CNTN5: variants seen among roughly 807,000 people sequenced by gnomAD.
The protein encoded by CNTN5 is contactin-5.
CNTN5 carries 77 observed loss-of-function variants against 129.1 expected under a neutral mutation model. The ratio of observed to expected loss-of-function variants is 0.60; its 90% CI spans 0.50 to 0.72. The LOEUF (loss-of-function observed/expected upper bound fraction) is 0.72, where lower values mean the gene tolerates loss of function less well. Ranked by LOEUF, CNTN5 falls within the 30% of genes least tolerant of loss-of-function variation. The pLI is 0.00. For missense variants in CNTN5, 1,478 were observed against 1,328.8 expected (o/e 1.11, Z -1.75); for synonymous variants, 509 against 465.6 (o/e 1.09, Z -1.20).
intron 15 of CNTN5, among the ~76,000 whole-genome samples, chr11:100,213,601 T>C (rs976390480): frequency 5.9e-5 from 9 of 152,326 alleles, no homozygotes; most frequent in Admixed American, 5.9e-4. Flanking sequence ...AAATGTCAGT[T>C]AAATTTGACT....
chr11:100,333,482 G>T (rs1367287198), intron 21 of CNTN5, among the ~76,000 whole-genome samples: 2 of 131,636 alleles, frequency 1.5e-5, no homozygotes, highest in Admixed American at 1.6e-4. Flanking sequence ...GCCAAAGCAA[G>T]ACTAAGCAAC....
intron 1 of CNTN5, among the ~76,000 whole-genome samples, chr11:99,080,980 G>GTTTTT (rs766619743): frequency 0.065 from 7,270 of 112,068 alleles, 573 homozygotes; most frequent in East Asian, 0.33. Context: ...TGAGAAATCA[G>GTTTTT]TTTTTTTTTT....
At chr11:99,159,343 C>G (rs12365235) in intron 1 of CNTN5, among the ~76,000 whole-genome samples, 39,069 of 152,118 alleles carry the variant, frequency 0.26, 5,445 homozygotes, top group Middle Eastern at 0.32. Context: ...TAGTAATCTG[C>G]CGGGTGCAGT....
At chr11:99,925,297 G>T (rs1748607941) in intron 7 of CNTN5, among the ~76,000 whole-genome samples, 1 of 152,140 alleles carries the variant, frequency 6.6e-6, no homozygotes, top group Non-Finnish European at 1.5e-5. Context: ...GTGAGTATTT[G>T]CAGACTAAAC....
At chr11:100,000,927 G>C (rs1332205254) in intron 8 of CNTN5, among the ~76,000 whole-genome samples, 2 of 152,150 alleles carry the variant, frequency 1.3e-5, no homozygotes, top group Non-Finnish European at 2.9e-5. Context: ...GGAGCAGCTA[G>C]AACACGAGAC....
intron 3 of CNTN5, among the ~76,000 whole-genome samples, chr11:99,770,960 C>G (rs1273349247): frequency 1.3e-5 from 2 of 151,966 alleles, no homozygotes; most frequent in African/African-American, 4.8e-5. Flanking sequence ...AAAAACTGAA[C>G]ACACAACAGA....
chr11:99,946,364 G>A (rs1332936159), intron 7 of CNTN5, among the ~76,000 whole-genome samples: 1 of 152,034 alleles, frequency 6.6e-6, no homozygotes, highest in African/African-American at 2.4e-5. Flanking sequence ...AGGAACAGAG[G>A]CTTAGTGGGA....
chr11:99,355,826 T>G lies in CNTN5; in HGVS notation c.-71+30342T>G, dbSNP rs372434091. 5.5e-4 allele frequency among the ~76,000 whole-genome samples: 83 copies of G among 151,172 alleles called. 1 individual carries two copies. The highest frequency in any genetic ancestry group is 1.9e-3 in the African/African-American group (80 of 41,218). ...ATCTGTCATGGTTTTTTTTTGTTTT[T>G]TTTTTTTTTGTTTTTTTTGAGACGG... is the stretch of plus-strand genomic sequence containing the variant. On this transcript the variant is annotated intron_variant, in intron 2 of 24. Coordinates refer to ENST00000524871, the MANE Select transcript of CNTN5 (RefSeq NM_014361.4).
chr11:99,595,345 C>T (rs1209479129), intron 3 of CNTN5, among the ~76,000 whole-genome samples: 1 of 80,930 alleles, frequency 1.2e-5, no homozygotes, highest in Non-Finnish European at 2.5e-5. Context: ...TATTATGTGT[C>T]AATTATATAT....
At chr11:99,100,929 G>A (rs1866700626) in intron 1 of CNTN5, among the ~76,000 whole-genome samples, 1 of 152,230 alleles carries the variant, frequency 6.6e-6, no homozygotes, top group South Asian at 2.1e-4. Flanking sequence ...TTTTGTAAAA[G>A]CAATAAGAAT....
intron 4 of CNTN5, among the ~76,000 whole-genome samples, chr11:99,828,882 G>T (rs75494415): frequency 0.015 from 2,338 of 152,126 alleles, 50 homozygotes; most frequent in African/African-American, 0.053. Context: ...GTGAGCTTTT[G>T]TATAAAATAT....
At chr11:99,372,692 A>G (rs987845796) in intron 2 of CNTN5, among the ~76,000 whole-genome samples, 1 of 152,160 alleles carries the variant, frequency 6.6e-6, no homozygotes, top group African/African-American at 2.4e-5. Context: ...TTTATTATAT[A>G]TCTTGTGATG....
At chr11:100,338,124 C>T (rs183739441) in intron 21 of CNTN5, among the ~76,000 whole-genome samples, 1 of 152,290 alleles carries the variant, frequency 6.6e-6, no homozygotes, top group African/African-American at 2.4e-5. Context: ...GAAAATGTGG[C>T]TAATTACTGT....
intron 13 of CNTN5, among the ~76,000 whole-genome samples, chr11:100,138,808 A>C (rs59475657): frequency 0.03 from 4,587 of 152,282 alleles, 237 homozygotes; most frequent in African/African-American, 0.1. Flanking sequence ...CTGAAGGAGC[A>C]TAATGGCAGA....
At chr11:99,794,756 GT>G (rs766351096) in intron 3 of CNTN5, among the ~76,000 whole-genome samples, 89 of 152,128 alleles carry the variant, frequency 5.9e-4, no homozygotes, top group Non-Finnish European at 1.1e-3. Context: ...GGCTCCCTAT[GT>G]TTTCTGGCTT....
intron 12 of CNTN5, among the ~76,000 whole-genome samples, chr11:100,072,589 G>A (rs1258807996): frequency 6.6e-6 from 1 of 152,166 alleles, no homozygotes; most frequent in African/African-American, 2.4e-5. Context: ...GCGGGCAGAA[G>A]CCCAAGTGTG....
At chr11:99,828,017 G>A (rs1232906280) in intron 4 of CNTN5, among the ~76,000 whole-genome samples, 1 of 152,078 alleles carries the variant, frequency 6.6e-6, no homozygotes, top group Non-Finnish European at 1.5e-5. Context: ...CATCACAAGA[G>A]AGTTATTGTT....
chr11:100,313,651 T>C (rs1951518467), intron 21 of CNTN5, among the ~76,000 whole-genome samples: 1 of 151,888 alleles, frequency 6.6e-6, no homozygotes, highest in South Asian at 2.1e-4. Flanking sequence ...ATAGAAGTGG[T>C]ATTTAAATCC....
At chr11:100,016,953 T>A (rs1404361632) in intron 9 of CNTN5, among the ~76,000 whole-genome samples, 5 of 151,742 alleles carry the variant, frequency 3.3e-5, no homozygotes, top group South Asian at 2.1e-4. Context: ...CTGAAAAACA[T>A]AATTCTCATT....
Sources: gnomAD v4.1 joint callset for allele counts (sites outside exome capture counted in the v4.1 genomes callset) on GRCh38, gnomAD v4.1.1 for gene constraint, MANE v1.5 for transcripts, NCBI Gene and HGNC (gene_info 2026-07-23, HGNC 2026-07-21) for gene names.